Variants in TOX observed in about 807,000 individuals in gnomAD.
TOX encodes the protein thymocyte selection-associated high mobility group box protein TOX.
Under a neutral mutation model 53.7 loss-of-function variants are expected in TOX, and 11 were observed. That is an observed-to-expected ratio of 0.20 (90% CI 0.13 to 0.34). The LOEUF is 0.34. Ranked by LOEUF, TOX falls within the 10% of genes least tolerant of loss-of-function variation. The pLI is 1.00. For synonymous variants in TOX, 225 were observed against 245.3 expected, an observed-to-expected ratio of 0.92 and a Z score of 0.77; for missense variants, 570 against 664.6, an observed-to-expected ratio of 0.86 and a Z score of 1.56.
intron 1 of TOX, among the ~76,000 whole-genome samples, chr8:58,981,913 C>T (rs1367401621): frequency 1.3e-5 from 2 of 152,130 alleles, no homozygotes; most frequent in East Asian, 3.9e-4. Flanking sequence ...CTTTCATCAC[C>T]CCCTTAAGCC....
chr8:58,869,484 C>A (rs1198133640), intron 3 of TOX, among the ~76,000 whole-genome samples: 1 of 152,036 alleles, frequency 6.6e-6, no homozygotes, highest in Non-Finnish European at 1.5e-5. Flanking sequence ...CAATTCTCCA[C>A]AATATTTTCC....
intron 1 of TOX, among the ~76,000 whole-genome samples, chr8:58,998,503 A>G (rs61656550): frequency 3.8e-5 from 3 of 79,028 alleles, no homozygotes; most frequent in African/African-American, 6.0e-5. Context: ...GTATATATAT[A>G]TATATATATA....
intron 3 of TOX, among the ~76,000 whole-genome samples, chr8:58,938,572 A>G (rs1812385144): frequency 6.6e-6 from 1 of 152,334 alleles, no homozygotes; most frequent in African/African-American, 2.4e-5. Flanking sequence ...CATAAAAATC[A>G]GAAGGAAAGA....
At chr8:58,946,976 T>C (rs1223249801) in intron 2 of TOX, among the ~76,000 whole-genome samples, 2 of 152,180 alleles carry the variant, frequency 1.3e-5, no homozygotes, top group Admixed American at 6.5e-5. Flanking sequence ...TGGGTATTTG[T>C]TGATGTACAT....
chr8:59,020,840 T>C (rs537818219), intron 1 of TOX, among the ~76,000 whole-genome samples: 14 of 152,254 alleles, frequency 9.2e-5, no homozygotes, highest in Non-Finnish European at 1.6e-4. Context: ...GTTGTATCTA[T>C]AGAATATAGT....
chr8:58,858,559 C>G (rs142411207), intron 3 of TOX, among the ~76,000 whole-genome samples: 3 of 152,368 alleles, frequency 2.0e-5, no homozygotes, highest in Non-Finnish European at 2.9e-5. Context: ...CTGCTGCTTT[C>G]TGTGGTCTTT....
At chr8:58,993,832 A>G (rs1813501979) in intron 1 of TOX, among the ~76,000 whole-genome samples, 2 of 150,720 alleles carry the variant, frequency 1.3e-5, no homozygotes, top group African/African-American at 4.9e-5. Flanking sequence ...CAATTCCATC[A>G]TCTTCCTAAG....
intron 1 of TOX, among the ~76,000 whole-genome samples, chr8:59,077,597 A>G (rs1414398569): frequency 6.6e-6 from 1 of 152,144 alleles, no homozygotes; most frequent in African/African-American, 2.4e-5. Flanking sequence ...TTCTCCTGGC[A>G]CTGAGATCTG....
At chr8:58,905,745 CG>C (rs1238221362) in intron 3 of TOX, among the ~76,000 whole-genome samples, 15 of 152,168 alleles carry the variant, frequency 9.9e-5, no homozygotes, top group African/African-American at 3.4e-4. Flanking sequence ...TTTATACTGA[CG>C]GAAGTGTAGA....
chr8:58,926,707 C>T (rs927068392), intron 3 of TOX, among the ~76,000 whole-genome samples: 5 of 151,974 alleles, frequency 3.3e-5, no homozygotes, highest in South Asian at 2.1e-4. Flanking sequence ...TTTATACTGT[C>T]GATGGAGAGA....
intron 3 of TOX, among the ~76,000 whole-genome samples, chr8:58,932,038 C>T (rs1408349413): frequency 2.6e-5 from 4 of 152,126 alleles, no homozygotes; most frequent in Admixed American, 6.6e-5. Context: ...ATCAATACCA[C>T]ATTCAAAGTA....
At chr8:58,998,210 C>T (rs1023480284) in intron 1 of TOX, among the ~76,000 whole-genome samples, 1 of 150,948 alleles carries the variant, frequency 6.6e-6, no homozygotes. Context: ...ATATGGTAGC[C>T]GGGTGTGGTG....
At chr8:58,821,543 C>T (rs1255617635) in intron 6 of TOX, among the ~76,000 whole-genome samples, 1 of 152,074 alleles carries the variant, frequency 6.6e-6, no homozygotes, top group South Asian at 2.1e-4. Context: ...CAGCAGATCT[C>T]CAGAGCTAAT....
At chr8:58,920,737 G>GAAA (rs1397497086) in intron 3 of TOX, among the ~76,000 whole-genome samples, 9 of 47,700 alleles carry the variant, frequency 1.9e-4, no homozygotes, top group African/African-American at 2.7e-4. Flanking sequence ...AAAAAAAAAA[G>GAAA]AAAAAAAAGA....
chr8:58,919,001 A>T (rs997785548), intron 3 of TOX, among the ~76,000 whole-genome samples: 6 of 147,552 alleles, frequency 4.1e-5, no homozygotes, highest in Non-Finnish European at 9.0e-5. Context: ...CTTACAAGGG[A>T]TGTGAAGGAC....
At chr8:58,867,543 C>A (rs1470314115) in intron 3 of TOX, among the ~76,000 whole-genome samples, 1 of 152,338 alleles carries the variant, frequency 6.6e-6, no homozygotes, top group East Asian at 1.9e-4. Context: ...CTAACCCAAG[C>A]ATCTTTTTCA....
At chr8:58,863,157 T>A (rs546778621) in intron 3 of TOX, among the ~76,000 whole-genome samples, 1 of 152,300 alleles carries the variant, frequency 6.6e-6, no homozygotes, top group Non-Finnish European at 1.5e-5. Flanking sequence ...TAAATAAATT[T>A]AGGTATTATT....
At chr8:58,988,638 G>A (rs1172372651) in intron 1 of TOX, among the ~76,000 whole-genome samples, 1 of 152,178 alleles carries the variant, frequency 6.6e-6, no homozygotes. Context: ...GATAAAATGG[G>A]CTCAATAGGC....
chr8:59,067,337 T>G (rs1267964160), intron 1 of TOX, among the ~76,000 whole-genome samples: 3 of 152,144 alleles, frequency 2.0e-5, no homozygotes, highest in African/African-American at 7.2e-5. Context: ...GAGGATCATT[T>G]GAGGTCAGGA....
Sources: gnomAD v4.1 joint callset for allele counts (sites outside exome capture counted in the v4.1 genomes callset) on GRCh38, gnomAD v4.1.1 for gene constraint, MANE v1.5 for transcripts, NCBI Gene and HGNC (gene_info 2026-07-23, HGNC 2026-07-21) for gene names.